The following SMG5 variants were observed in gnomAD, a reference collection of about 807,000 sequenced individuals.
SMG5 encodes nonsense-mediated mRNA decay factor SMG5.
Under a neutral mutation model 122.9 loss-of-function variants are expected in SMG5, and 53 were observed. The observed-to-expected ratio is 0.43, with a 90% CI of 0.35 to 0.54. SMG5 has a LOEUF of 0.54. Among genes scored for constraint, SMG5 ranks in the 20% least tolerant of loss-of-function variants. The pLI is 0.01. For missense variants in SMG5, 1,153 were observed against 1,285.6 expected (o/e 0.90, Z 1.58); for synonymous variants, 477 against 490.2 (o/e 0.97, Z 0.35).
At chr1:156,264,625 G>C (rs1282216056) in intron 12 of SMG5, among the ~76,000 whole-genome samples, 5 of 152,180 alleles carry the variant, frequency 3.3e-5, no homozygotes, top group Non-Finnish European at 7.3e-5. Flanking sequence ...CCCAGACCAA[G>C]TGACTTTTAA....
intron 14 of SMG5, among the ~76,000 whole-genome samples, 196 bp downstream of exon 14, chr1:156,261,137 T>C (rs1455512243): frequency 6.6e-6 from 1 of 152,214 alleles, no homozygotes; most frequent in Non-Finnish European, 1.5e-5. Flanking sequence ...CCAGGCCACC[T>C]GCCCACAATA....
chr1:156,285,064 G>A, upstream of SMG5: 1 of 726,592 alleles, frequency 1.4e-6, no homozygotes, highest in Non-Finnish European at 2.0e-6. Context: ...TTCTCCCTAA[G>A]GCTCCAGAAG....
At chr1:156,271,343 C>CAT (rs539305583) in intron 7 of SMG5, among the ~76,000 whole-genome samples, 27 of 152,326 alleles carry the variant, frequency 1.8e-4, no homozygotes, top group African/African-American at 6.5e-4. Context: ...AGCCCAAGCT[C>CAT]ATTATATAAC....
At chr1:156,285,285 A>G, upstream of SMG5, 1 of 1,571,742 alleles carries the variant, frequency 6.4e-7, no homozygotes, top group Non-Finnish European at 8.6e-7. Context: ...TCCCCAGAGA[A>G]GAGCTCACCC....
chr1:156,250,475 T>G lies in SMG5; in HGVS notation c.*112A>C. The G allele has an allele frequency of 2.2e-6, 2 of 920,166 alleles. No homozygotes were observed. The highest frequency in any genetic ancestry group is 3.5e-6 in the Non-Finnish European group (2 of 568,850). The allele number at this position is 920,166 out of a possible 1,614,324, so 57.0% of individuals were successfully genotyped here. On this transcript the variant is annotated 3_prime_UTR_variant, in exon 22 of 22. Transcript: ENST00000361813. ...TCTGAGCAGCTAGGCCTCCCTCCTG[T>G]GTGCGTGCATGAGTCTGCGTGTGGT...
intron 3 of SMG5, among the ~76,000 whole-genome samples, chr1:156,277,491 T>C (rs1662735735): frequency 6.6e-6 from 1 of 150,988 alleles, no homozygotes; most frequent in African/African-American, 2.4e-5. Flanking sequence ...CTGACTCTCT[T>C]CCTCCTTCCT....
At position 156,261,890 on chromosome 1, in the gene SMG5, C is replaced by CAA. The variant is rs61569049; in HGVS notation, c.2032-484_2032-483dup. 4.5e-4 allele frequency among the ~76,000 whole-genome samples: 41 copies of CAA among 90,122 alleles called. No homozygotes were observed. The East Asian group carries it at 7.3e-3, about 16-fold the overall frequency. The allele number at this position is 90,122 out of a possible 152,430, so 59.1% of individuals were successfully genotyped here. Reference sequence around the variant, plus strand: ...GGGCAACAAGAATGAAACTCCTTCTCAAAAAAAAAAAAAAAAAAAAAAATA... The same window carrying CAA: ...GGGCAACAAGAATGAAACTCCTTCTCAAAAAAAAAAAAAAAAAAAAAAAAATA... On this transcript the variant is annotated intron_variant, in intron 13 of 21. Coordinates refer to ENST00000361813, the MANE Select transcript of SMG5 (RefSeq NM_015327.3).
chr1:156,286,323 G>T (rs771118509), upstream of SMG5: 3 of 1,614,088 alleles, frequency 1.9e-6, no homozygotes, highest in Admixed American at 3.3e-5. Context: ...GGGGAGCCAC[G>T]GCGGGAGGTG....
intron 4 of SMG5, among the ~76,000 whole-genome samples, chr1:156,276,169 C>T (rs1338415852): frequency 6.7e-6 from 1 of 148,818 alleles, no homozygotes; most frequent in Non-Finnish European, 1.5e-5. Flanking sequence ...CTCTGTTACC[C>T]AGGCTGGAGT....
chr1:156,256,133 C>T (rs1160859051), intron 16 of SMG5, among the ~76,000 whole-genome samples: 7 of 152,068 alleles, frequency 4.6e-5, no homozygotes, highest in African/African-American at 1.4e-4. Flanking sequence ...AGTGGGAAGA[C>T]TAGGGAAAGA....
chr1:156,278,003 G>A lies in SMG5; in HGVS notation c.219C>T (p.Asp73=), dbSNP rs60307625. The change falls in exon 3 of 22, where the codon GAC becomes GAT. Residue 73 remains aspartate, a synonymous_variant. Transcript: ENST00000361813. The stretch of plus-strand genomic sequence containing the variant: ...GCAGCTCCTCAGCCTTTCTCCCATA[G>A]TCCACTGGGTGCAGGAACATAAGCT... ...CVKLMFLHPV[D]YGRKAEELLW... 2,796 of 1,614,106 alleles carry A rather than the reference G, an allele frequency of 1.7e-3. 46 individuals carry two copies. The African/African-American group carries it at 0.033, about 19-fold the overall frequency.
intron 16 of SMG5, among the ~76,000 whole-genome samples, chr1:156,254,536 C>T (rs926131950): frequency 1.3e-5 from 2 of 152,128 alleles, no homozygotes; most frequent in African/African-American, 4.8e-5. Context: ...CTCTGCCTCC[C>T]GGGCTCAAAT....
At position 156,268,430 on chromosome 1, in the gene SMG5, G is replaced by A. The variant is rs769368723; in HGVS notation, c.714-15C>T. The A allele has an allele frequency of 1.2e-6, 2 of 1,612,680 alleles. No individual in the cohort carries two copies. Among genetic ancestry groups the A allele is most frequent in the Non-Finnish European group, 1.7e-6 (2 of 1,179,478 alleles). On this transcript the variant is annotated splice_polypyrimidine_tract_variant and intron_variant, in intron 7 of 21. Transcript: ENST00000361813. ...CTGACTGGATGCTGTAAGAGATAGAGGTGAGCTACTGAGTCTTGGCAGGGG... is the reference window on the plus strand; with the variant it reads ...CTGACTGGATGCTGTAAGAGATAGAAGTGAGCTACTGAGTCTTGGCAGGGG...
Position 156,260,641 on chromosome 1 carries a change from G to C in SMG5, c.2108-15C>G. On this transcript the variant is annotated splice_polypyrimidine_tract_variant and intron_variant, in intron 14 of 21. Transcript: ENST00000361813. ...CAAGGCCAGGCCTGGGCAGAAGAAG[G>C]ACACATAAGACCATCTGTCCTGTGG... The C allele has an allele frequency of 2.0e-6, 3 of 1,484,672 alleles. No homozygotes were observed. Among genetic ancestry groups the C allele is most frequent in the South Asian group, 1.5e-5 (1 of 68,848 alleles). The allele number at this position is 1,484,672 out of a possible 1,614,324, so 92.0% of individuals were successfully genotyped here. A position where few individuals can be genotyped will look rare whatever the true frequency, so the allele number is the denominator to read the frequency against.
intron 12 of SMG5, among the ~76,000 whole-genome samples, chr1:156,264,160 C>T (rs1168472645): frequency 5.8e-5 from 8 of 138,742 alleles, no homozygotes; most frequent in Non-Finnish European, 1.1e-4. Flanking sequence ...CTCAGCTACT[C>T]GGGAGGCTGA....
upstream of SMG5, chr1:156,285,527 C>T (rs772493348): frequency 1.2e-6 from 2 of 1,614,084 alleles, no homozygotes; most frequent in South Asian, 1.1e-5. Context: ...TGAACCAGAG[C>T]CCCCTGAGTC....
chr1:156,279,765 TAGA>T (rs1662848341), intron 1 of SMG5, among the ~76,000 whole-genome samples: 1 of 152,152 alleles, frequency 6.6e-6, no homozygotes, highest in African/African-American at 2.4e-5. Flanking sequence ...GATGGGGAAG[TAGA>T]GGGAGCTCCT....
At chr1:156,270,596 A>G (rs1049863547) in intron 7 of SMG5, among the ~76,000 whole-genome samples, 52 of 152,226 alleles carry the variant, frequency 3.4e-4, no homozygotes, top group Non-Finnish European at 7.3e-4. Flanking sequence ...GGCACCTCCC[A>G]AACTTGGATA....
At chr1:156,290,853 T>A in the SMG5 span, 31,610 of 86,476 alleles carry the variant, frequency 0.37, 3,582 homozygotes, top group Admixed American at 0.5. Context: ...AATAATAATT[T>A]AAAAAATCAC....
Sources: allele counts gnomAD v4.1 joint callset (sites outside exome capture counted in the v4.1 genomes callset), GRCh38; gene constraint gnomAD v4.1.1; transcripts MANE v1.5; gene names NCBI Gene and HGNC (gene_info 2026-07-23, HGNC 2026-07-21).